The following KIAA1217 variants were observed in gnomAD, a reference collection of about 807,000 sequenced individuals.
KIAA1217 encodes the protein KIAA1217, also known as sickle tail protein homolog.
A neutral mutation model predicts 163.9 loss-of-function variants in KIAA1217; 88 were observed. That is an observed-to-expected ratio of 0.54 (90% CI 0.45 to 0.64). The LOEUF is 0.64. Ranked by LOEUF, KIAA1217 falls within the 30% of genes least tolerant of loss-of-function variation. KIAA1217 has a pLI of 0.00. For missense variants in KIAA1217, 2,372 were observed against 2,475.0 expected (o/e 0.96, Z 0.88); for synonymous variants, 903 against 923.1 (o/e 0.98, Z 0.39).
At chr10:23,853,825 A>C (rs1200589050) in intron 1 of KIAA1217, among the ~76,000 whole-genome samples, 1 of 152,046 alleles carries the variant, frequency 6.6e-6, no homozygotes, top group Non-Finnish European at 1.5e-5. Flanking sequence ...GCATTCTCTG[A>C]TGGTAGTTTG....
intron 2 of KIAA1217, among the ~76,000 whole-genome samples, chr10:24,136,240 G>T (rs1015216750): frequency 6.6e-6 from 1 of 152,106 alleles, no homozygotes; most frequent in African/African-American, 2.4e-5. Flanking sequence ...ATAGTTTCCG[G>T]CATCTTCAAA....
chr10:23,711,665 A>C (rs921460803), intron 1 of KIAA1217, among the ~76,000 whole-genome samples: 3 of 152,210 alleles, frequency 2.0e-5, no homozygotes, highest in Non-Finnish European at 4.4e-5. Context: ...ACAAAGGAGA[A>C]CCTTCTGGGT....
At chr10:23,786,123 G>T (rs577459062) in intron 1 of KIAA1217, among the ~76,000 whole-genome samples, 4 of 152,252 alleles carry the variant, frequency 2.6e-5, no homozygotes, top group Admixed American at 1.3e-4. Context: ...AAAGTCCATG[G>T]AATTAACAAA....
At chr10:23,787,412 A>G (rs1835543168) in intron 1 of KIAA1217, among the ~76,000 whole-genome samples, 1 of 152,192 alleles carries the variant, frequency 6.6e-6, no homozygotes, top group Non-Finnish European at 1.5e-5. Context: ...AGGAGCAGGA[A>G]CCAGGTCCTT....
intron 2 of KIAA1217, among the ~76,000 whole-genome samples, chr10:24,121,249 A>G (rs1388354746): frequency 6.6e-6 from 1 of 152,178 alleles, no homozygotes; most frequent in Non-Finnish European, 1.5e-5. Flanking sequence ...TAAAGTGGAA[A>G]CAGACATTGA....
chr10:24,318,900 T>C (rs2043757121), intron 2 of KIAA1217, among the ~76,000 whole-genome samples: 1 of 152,212 alleles, frequency 6.6e-6, no homozygotes, highest in South Asian at 2.1e-4. Flanking sequence ...AAAGTTAAAA[T>C]ATCCCTCAGT....
chr10:24,501,909 C>T (rs1388191757), intron 9 of KIAA1217, among the ~76,000 whole-genome samples: 3 of 151,860 alleles, frequency 2.0e-5, no homozygotes, highest in South Asian at 2.1e-4. Flanking sequence ...CCACCACGCC[C>T]GGCTAATTTT....
intron 3 of KIAA1217, among the ~76,000 whole-genome samples, chr10:24,408,898 C>G (rs1485646682): frequency 6.6e-6 from 1 of 152,206 alleles, no homozygotes; most frequent in Non-Finnish European, 1.5e-5. Context: ...GACATATGAC[C>G]TGTCTCTTGC....
intron 1 of KIAA1217, among the ~76,000 whole-genome samples, chr10:23,921,818 G>C (rs1842856399): frequency 6.6e-6 from 1 of 152,152 alleles, no homozygotes; most frequent in Non-Finnish European, 1.5e-5. Flanking sequence ...TGTTTGCCAG[G>C]TTGTGGCTGT....
chr10:23,805,086 C>G (rs1168167698), intron 1 of KIAA1217, among the ~76,000 whole-genome samples: 2 of 152,088 alleles, frequency 1.3e-5, no homozygotes, highest in East Asian at 3.9e-4. Context: ...TTGTGGAAGA[C>G]AGTGTTTAAA....
At chr10:24,011,871 C>A (rs755699670) in intron 2 of KIAA1217, among the ~76,000 whole-genome samples, 1 of 152,062 alleles carries the variant, frequency 6.6e-6, no homozygotes, top group Non-Finnish European at 1.5e-5. Flanking sequence ...TGCCACAGAA[C>A]AAAGGCTTTT....
At chr10:24,056,733 G>T (rs755486343) in intron 2 of KIAA1217, among the ~76,000 whole-genome samples, 14 of 152,006 alleles carry the variant, frequency 9.2e-5, no homozygotes, top group Non-Finnish European at 1.8e-4. Context: ...ATGAGTAAGA[G>T]GCAGGAAGGG....
chr10:24,426,510 G>C (rs2059182686), intron 3 of KIAA1217, among the ~76,000 whole-genome samples: 1 of 152,122 alleles, frequency 6.6e-6, no homozygotes, highest in Admixed American at 6.5e-5. Context: ...TGTAGTCCCA[G>C]CTACTCAGGA....
At chr10:24,016,744 A>G (rs558422498) in intron 2 of KIAA1217, among the ~76,000 whole-genome samples, 1 of 152,164 alleles carries the variant, frequency 6.6e-6, no homozygotes, top group South Asian at 2.1e-4. Context: ...TTTCTGCCTC[A>G]GTTTCCTCAT....
At chr10:23,801,839 C>T (rs1341283124) in intron 1 of KIAA1217, among the ~76,000 whole-genome samples, 1 of 152,198 alleles carries the variant, frequency 6.6e-6, no homozygotes, top group African/African-American at 2.4e-5. Flanking sequence ...TTATCCATCA[C>T]ACAGAACAGG....
intron 2 of KIAA1217, among the ~76,000 whole-genome samples, chr10:24,266,729 G>A (rs899333603): frequency 2.2e-4 from 34 of 152,082 alleles, no homozygotes; most frequent in African/African-American, 8.2e-4. Flanking sequence ...AGTTGTGGAG[G>A]ATTAAAAAAA....
At chr10:24,169,486 A>G (rs1442896061) in intron 2 of KIAA1217, among the ~76,000 whole-genome samples, 2 of 149,598 alleles carry the variant, frequency 1.3e-5, no homozygotes, top group African/African-American at 4.9e-5. Context: ...CTTCACCACC[A>G]GAAGGCTATC....
intron 2 of KIAA1217, among the ~76,000 whole-genome samples, chr10:24,104,989 T>G (rs2062567004): frequency 6.6e-6 from 1 of 152,186 alleles, no homozygotes. Context: ...TTAGATTCTG[T>G]AATTTTCTAC....
rs569893764 is a variant in KIAA1217 at position 24,306,160 on chromosome 10, G to A, written c.355-74709G>A. The stretch of plus-strand genomic sequence containing the variant: ...ATACATGCTATTTGATCACTCTTCA[G>A]GCATTAACAAATGGTGTCTATGAGA... On this transcript the variant is annotated intron_variant, in intron 2 of 20. Coordinates refer to ENST00000376454, the MANE Select transcript of KIAA1217 (RefSeq NM_019590.5). 1.3e-3 allele frequency among the ~76,000 whole-genome samples: 191 copies of A among 152,046 alleles called. 1 individual carries two copies. Among genetic ancestry groups the A allele is most frequent in the African/African-American group, 3.9e-3 (161 of 41,498 alleles).
Sources: allele counts gnomAD v4.1 joint callset (sites outside exome capture counted in the v4.1 genomes callset), GRCh38; gene constraint gnomAD v4.1.1; transcripts MANE v1.5; gene names NCBI Gene and HGNC (gene_info 2026-07-23, HGNC 2026-07-21).